The following TRDN variants were observed in gnomAD, a reference collection of about 807,000 sequenced individuals.
The protein encoded by TRDN is triadin.
Under a neutral mutation model 149.7 loss-of-function variants are expected in TRDN, and 161 were observed. The ratio of observed to expected loss-of-function variants is 1.08; its 90% CI spans 0.95 to 1.23. TRDN has a LOEUF of 1.23. TRDN is among the 50% of genes most tolerant of loss of function. The probability of loss-of-function intolerance (pLI) is 0.00; values close to 1 mark genes in which losing one functional copy is unlikely to be tolerated. For synonymous variants in TRDN, 294 were observed against 250.5 expected (o/e 1.17, Z -1.64); for missense variants, 896 against 823.5 (o/e 1.09, Z -1.08).
At chr6:123,238,758 A>G (rs1024197432) in intron 38 of TRDN, among the ~76,000 whole-genome samples, 4 of 152,200 alleles carry the variant, frequency 2.6e-5, no homozygotes, top group East Asian at 1.9e-4. Flanking sequence ...TTAATTGAAA[A>G]TAGATTCAGA....
intron 9 of TRDN, among the ~76,000 whole-genome samples, chr6:123,495,127 C>T (rs1583142923): frequency 6.6e-6 from 1 of 152,168 alleles, no homozygotes; most frequent in Admixed American, 6.5e-5. Context: ...GCTCACACAC[C>T]CCTGCAGCCC....
intron 1 of TRDN, among the ~76,000 whole-genome samples, chr6:123,573,966 A>G (rs970065300): frequency 4.6e-5 from 7 of 152,040 alleles, no homozygotes; most frequent in Admixed American, 1.3e-4. Context: ...TTCTTTAGTC[A>G]TAAAATAATA....
At chr6:123,313,523 G>C (rs1350851742) in intron 24 of TRDN, among the ~76,000 whole-genome samples, 4 of 151,656 alleles carry the variant, frequency 2.6e-5, no homozygotes, top group African/African-American at 9.7e-5. Context: ...CTTTCCATAG[G>C]GCTTCTGTAG....
chr6:123,608,627 T>C (rs779529170), intron 1 of TRDN, among the ~76,000 whole-genome samples: 1 of 152,200 alleles, frequency 6.6e-6, no homozygotes, highest in Non-Finnish European at 1.5e-5. Context: ...ACTTTAAAAA[T>C]GATATGTTTT....
chr6:123,505,290 A>C lies in TRDN; in HGVS notation c.611-1389T>G, dbSNP rs1778874940. Among the ~76,000 whole-genome samples the C allele has an allele frequency of 2.6e-5, 4 of 151,550 alleles. No individual in the cohort carries two copies. The South Asian group carries it at 8.3e-4, about 32-fold the overall frequency. On this transcript the variant is annotated intron_variant, in intron 7 of 40. Coordinates refer to ENST00000334268, the MANE Select transcript of TRDN (RefSeq NM_006073.4). ...AAAAAAGAATTTAATGAAAAAATGT[A>C]ATCAAGTTTCTTGACTTTGGTACCC... is the stretch of plus-strand genomic sequence containing the variant.
At chr6:123,350,831 G>A (rs1277633251) in intron 21 of TRDN, 1 of 983,612 alleles carries the variant, frequency 1.0e-6, no homozygotes, top group East Asian at 1.1e-4. Context: ...CAATCCAAGA[G>A]CCTAAGCTTT....
At chr6:123,614,300 C>CAAAAAAAAAAAAAAAAAAAA (rs1199509406) in intron 1 of TRDN, among the ~76,000 whole-genome samples, 1 of 99,856 alleles carries the variant, frequency 1.0e-5, no homozygotes, top group Admixed American at 1.2e-4. Flanking sequence ...AAAAAAAAAA[C>CAAAAAAAAAAAAAAAAAAAA]AAAAAAAAAA....
Position 123,552,632 on chromosome 6 carries a change from T to G in TRDN, c.233-4020A>C, listed in dbSNP as rs143619031. On this transcript the variant is annotated intron_variant, in intron 2 of 40. Coordinates refer to ENST00000334268, the MANE Select transcript of TRDN (RefSeq NM_006073.4). Reference sequence around the variant, plus strand: ...ATAATCATTCTGCCTTTGTTTAAAATGTTGATATTTTCTTCATCATATATT... The same window carrying G: ...ATAATCATTCTGCCTTTGTTTAAAAGGTTGATATTTTCTTCATCATATATT... Among the ~76,000 whole-genome samples, 21 of 152,274 alleles carry G rather than the reference T, an allele frequency of 1.4e-4. No individual in the cohort carries two copies. In the East Asian group the frequency reaches 3.1e-3, roughly 22 times the overall value.
At chr6:123,600,325 C>G (rs1156571207) in intron 1 of TRDN, among the ~76,000 whole-genome samples, 1 of 152,004 alleles carries the variant, frequency 6.6e-6, no homozygotes, top group Non-Finnish European at 1.5e-5. Flanking sequence ...GCTAAGCCCC[C>G]AGAGGGTCTG....
At chr6:123,265,447 A>G (rs895570196) in intron 32 of TRDN, 109 bp from the exon 33 acceptor site, 1 of 650,006 alleles carries the variant, frequency 1.5e-6, no homozygotes, top group Non-Finnish European at 2.4e-6. Flanking sequence ...TAAAAATAAG[A>G]CTAAACTTAT....
At chr6:123,280,281 C>A (rs1314086857) in intron 24 of TRDN, among the ~76,000 whole-genome samples, 1 of 152,054 alleles carries the variant, frequency 6.6e-6, no homozygotes, top group African/African-American at 2.4e-5. Flanking sequence ...CATATACACA[C>A]AAATAAACTA....
chr6:123,485,123 T>C (rs752492176), intron 9 of TRDN, among the ~76,000 whole-genome samples: 19 of 152,326 alleles, frequency 1.2e-4, no homozygotes, highest in Admixed American at 7.2e-4. Flanking sequence ...CATGAGGGTA[T>C]GGCAAGTCCA....
At chr6:123,558,165 T>C (rs1419827017) in intron 2 of TRDN, among the ~76,000 whole-genome samples, 1 of 152,004 alleles carries the variant, frequency 6.6e-6, no homozygotes, top group African/African-American at 2.4e-5. Flanking sequence ...CAATGCAGCT[T>C]GTCCCAAACT....
intron 1 of TRDN, among the ~76,000 whole-genome samples, chr6:123,615,377 A>G (rs1463992863): frequency 6.6e-6 from 1 of 152,166 alleles, no homozygotes; most frequent in East Asian, 1.9e-4. Flanking sequence ...ATTCATGATA[A>G]CCAAGATATG....
chr6:123,564,555 G>A (rs1273136488), intron 2 of TRDN, among the ~76,000 whole-genome samples: 4 of 152,172 alleles, frequency 2.6e-5, no homozygotes, highest in African/African-American at 9.7e-5. Context: ...AAGAAAAAAA[G>A]TCAGGAAAAT....
At chr6:123,584,963 C>T (rs569841864) in intron 1 of TRDN, among the ~76,000 whole-genome samples, 2 of 152,020 alleles carry the variant, frequency 1.3e-5, no homozygotes, top group Non-Finnish European at 1.5e-5. Context: ...AGTTTATAGG[C>T]TTTAAATGGC....
intron 24 of TRDN, among the ~76,000 whole-genome samples, chr6:123,310,410 T>A (rs9401652): frequency 2.6e-5 from 4 of 151,878 alleles, no homozygotes; most frequent in Non-Finnish European, 5.9e-5. Context: ...TTTGTGAAAT[T>A]TTCATTGCAG....
At chr6:123,263,152 G>A (rs1776829210) in intron 33 of TRDN, among the ~76,000 whole-genome samples, 1 of 152,084 alleles carries the variant, frequency 6.6e-6, no homozygotes, top group Non-Finnish European at 1.5e-5. Flanking sequence ...GAAATTAAAA[G>A]TGTTACTCCA....
chr6:123,243,606 T>C (rs937053958), intron 38 of TRDN, among the ~76,000 whole-genome samples: 1 of 152,078 alleles, frequency 6.6e-6, no homozygotes, highest in African/African-American at 2.4e-5. Context: ...CAAATTGAAA[T>C]TCTGAAACTG....
Sources: allele counts gnomAD v4.1 joint callset (sites outside exome capture counted in the v4.1 genomes callset), GRCh38; gene constraint gnomAD v4.1.1; transcripts MANE v1.5; gene names NCBI Gene and HGNC (gene_info 2026-07-23, HGNC 2026-07-21).